Variants in TRMT11 observed in about 807,000 individuals in gnomAD.
The protein encoded by TRMT11 is tRNA (guanine(10)-N(2))-methyltransferase TRMT11.
Under a neutral mutation model 62.8 loss-of-function variants are expected in TRMT11, and 53 were observed. The observed-to-expected ratio is 0.84, with a 90% confidence interval of 0.68 to 1.06. The LOEUF is 1.06. Ranked by LOEUF, TRMT11 falls within the 50% of genes least tolerant of loss-of-function variation. The pLI is 0.00. For missense variants in TRMT11, 556 were observed against 553.4 expected (o/e 1.00, Z -0.05); for synonymous variants, 188 against 190.3 (o/e 0.99, Z 0.10).
At chr6:126,093,631 A>ATATATATTTTTTTTTTTT (rs1554236842) in intron 17 of TRMT11, among the ~76,000 whole-genome samples, 27 of 97,992 alleles carry the variant, frequency 2.8e-4, no homozygotes, top group African/African-American at 1.1e-3. Context: ...ATATATATAT[A>ATATATATTTTTTTTTTTT]TTTTCCCCCA....
Position 125,998,146 on chromosome 6 carries a change from AAT to A in TRMT11, c.294+13_294+14del, listed in dbSNP as rs1791893040. 6.2e-7 allele frequency: 1 copy of A among 1,611,720 alleles called. No individual in the cohort carries two copies. The highest frequency in any genetic ancestry group is 1.3e-5 in the African/African-American group (1 of 74,868). On this transcript the variant is annotated intron_variant, in intron 4 of 12. Coordinates refer to ENST00000334379, the MANE Select transcript of TRMT11 (RefSeq NM_001031712.3). ...CTGTGGAGAAGATGGTGCGTAGTAA[AAT>A]GTGGTTTTATATAGGCATGCGTGCA...
At chr6:126,156,029 T>G (rs1395882038) in intron 21 of TRMT11, among the ~76,000 whole-genome samples, 1 of 152,138 alleles carries the variant, frequency 6.6e-6, no homozygotes, top group Non-Finnish European at 1.5e-5. Flanking sequence ...CCCAGCCTTT[T>G]GGAAGTTATT....
chr6:126,095,611 A>G (rs113240816), intron 17 of TRMT11, among the ~76,000 whole-genome samples: 76 of 152,358 alleles, frequency 5.0e-4, no homozygotes, highest in Middle Eastern at 6.8e-3. Context: ...ATACATTCAA[A>G]TATGAGAAAT....
chr6:126,161,068 T>A (rs554784334), intron 21 of TRMT11, among the ~76,000 whole-genome samples: 21 of 151,754 alleles, frequency 1.4e-4, no homozygotes, highest in African/African-American at 5.1e-4. Context: ...ATGGTTCTTT[T>A]TATTATTATT....
At chr6:126,114,297 A>G (rs1255364517) in intron 18 of TRMT11, among the ~76,000 whole-genome samples, 1 of 152,090 alleles carries the variant, frequency 6.6e-6, no homozygotes, top group East Asian at 1.9e-4. Flanking sequence ...AAGTGATTCC[A>G]GTCTAGAACA....
At chr6:126,253,969 A>G in the TRMT11 span, among the ~76,000 whole-genome samples, 2 of 152,218 alleles carry the variant, frequency 1.3e-5, no homozygotes, top group African/African-American at 2.4e-5. Context: ...TTAACTTGCC[A>G]CCACCACATA....
At chr6:126,139,840 G>T (rs1169476646) in intron 21 of TRMT11, among the ~76,000 whole-genome samples, 1 of 151,826 alleles carries the variant, frequency 6.6e-6, no homozygotes, top group Non-Finnish European at 1.5e-5. Context: ...TTTCTTAGAG[G>T]TTTTTTTGGT....
chr6:126,220,666 A>G, the TRMT11 span, among the ~76,000 whole-genome samples: 8 of 152,232 alleles, frequency 5.3e-5, no homozygotes, highest in African/African-American at 2.4e-5. Context: ...CCATCATTAC[A>G]TAATTGAACA....
intron 21 of TRMT11, among the ~76,000 whole-genome samples, chr6:126,141,636 C>T (rs1777918067): frequency 6.6e-6 from 1 of 152,076 alleles, no homozygotes; most frequent in African/African-American, 2.4e-5. Flanking sequence ...AAGTTTGGGA[C>T]ACAGTTAACC....
At chr6:126,224,492 C>A in the TRMT11 span, among the ~76,000 whole-genome samples, 2 of 152,126 alleles carry the variant, frequency 1.3e-5, no homozygotes, top group African/African-American at 4.8e-5. Context: ...TTTTCTTTGT[C>A]CCCTCAAGTT....
At chr6:125,995,933 T>G (rs750390215) in intron 2 of TRMT11, 34 bp from the exon 3 acceptor site, 43 of 1,371,722 alleles carry the variant, frequency 3.1e-5, no homozygotes, top group Non-Finnish European at 4.3e-5. Flanking sequence ...ATGTAGCCAC[T>G]TAGAATTAAG....
chr6:126,091,102 T>C (rs1389782819), intron 17 of TRMT11, among the ~76,000 whole-genome samples: 1 of 149,612 alleles, frequency 6.7e-6, no homozygotes, highest in Non-Finnish European at 1.5e-5. Flanking sequence ...CCCAGCTACG[T>C]GGGTGGTTGG....
chr6:126,081,837 T>C (rs1346436603), intron 17 of TRMT11, among the ~76,000 whole-genome samples: 1 of 152,144 alleles, frequency 6.6e-6, no homozygotes, highest in African/African-American at 2.4e-5. Context: ...AGTGATAATA[T>C]GTGCATAGCA....
intron 21 of TRMT11, among the ~76,000 whole-genome samples, chr6:126,137,317 A>G (rs1411460456): frequency 2.0e-5 from 3 of 151,814 alleles, no homozygotes; most frequent in Non-Finnish European, 4.4e-5. Context: ...AGCAAGAAAA[A>G]AAATCTGATT....
chr6:126,117,136 A>T (rs1358209473), intron 21 of TRMT11, among the ~76,000 whole-genome samples: 1 of 152,106 alleles, frequency 6.6e-6, no homozygotes, highest in African/African-American at 2.4e-5. Context: ...TGCTTTTTGT[A>T]TCCTCGCTAA....
chr6:126,245,237 A>G, the TRMT11 span, among the ~76,000 whole-genome samples: 1 of 152,230 alleles, frequency 6.6e-6, no homozygotes, highest in Non-Finnish European at 1.5e-5. Flanking sequence ...TGTGTTTAGT[A>G]TACCACTTTA....
At chr6:126,100,635 GAACTTGT>G (rs950160735) in intron 17 of TRMT11, among the ~76,000 whole-genome samples, 62 of 152,196 alleles carry the variant, frequency 4.1e-4, no homozygotes, top group African/African-American at 1.4e-3. Flanking sequence ...TGGCCAGGCT[GAACTTGT>G]GCTATACAAC....
downstream of TRMT11, among the ~76,000 whole-genome samples, chr6:126,204,809 G>A (rs79839108): frequency 0.038 from 5,819 of 152,244 alleles, 332 homozygotes; most frequent in African/African-American, 0.13. Context: ...TTTGCCTACA[G>A]CAATAGCAAC....
chr6:126,160,039 C>G (rs1298989134), intron 21 of TRMT11, among the ~76,000 whole-genome samples: 1 of 152,158 alleles, frequency 6.6e-6, no homozygotes, highest in African/African-American at 2.4e-5. Context: ...ATACTCTTCC[C>G]TCACTTCTGG....
Sources: gnomAD v4.1 joint callset for allele counts (sites outside exome capture counted in the v4.1 genomes callset) on GRCh38, gnomAD v4.1.1 for gene constraint, MANE v1.5 for transcripts, NCBI Gene and HGNC (gene_info 2026-07-23, HGNC 2026-07-21) for gene names.